Variants in C1QTNF6 observed in about 807,000 individuals in gnomAD.
The protein encoded by C1QTNF6 is complement C1q tumor necrosis factor-related protein 6.
Under a neutral mutation model 20.7 loss-of-function variants are expected in C1QTNF6, and 17 were observed. The observed-to-expected ratio is 0.82, with a 90% CI of 0.56 to 1.23. The LOEUF (loss-of-function observed/expected upper bound fraction) is 1.23. Ranked by LOEUF, C1QTNF6 falls within the 50% of genes most tolerant of loss-of-function variation. The pLI is 0.00. For missense variants in C1QTNF6, 329 were observed against 389.7 expected, an observed-to-expected ratio of 0.84 and a Z score of 1.31; for synonymous variants, 130 against 156.3, an observed-to-expected ratio of 0.83 and a Z score of 1.25.
rs1348595778 is a variant in C1QTNF6 at position 37,185,270 on chromosome 22, G to A, written c.237C>T (p.Arg79=). 1.2e-6 allele frequency: 2 copies of A among 1,607,164 alleles called. No homozygotes were observed. Among genetic ancestry groups the A allele is most frequent in the Admixed American group, 1.7e-5 (1 of 59,530 alleles). The change falls in exon 2 of 3, where the codon CGC becomes CGT. Residue 79 remains arginine, a synonymous_variant. Transcript: ENST00000337843. The part of the protein sequence containing the change: ...AHVSSASSSG[R]PHALPEIRPY... ...GTCTGATCTCAGGCAGGGCGTGGGG[G>A]CGGCCGGAGGAAGAGGCTGAGGATA... is the stretch of plus-strand genomic sequence containing the variant.
At position 37,185,944 on chromosome 22, in the gene C1QTNF6, GGTTA is replaced by G. The variant is rs148029091; in HGVS notation, c.52-493_52-490del. ...CATGCCCTCCGGGCAGGAGGACTGAGGTTAGTGAACACTGGGGACAAACGTGGAG... is the reference window on the plus strand; with the variant it reads ...CATGCCCTCCGGGCAGGAGGACTGAGGTGAACACTGGGGACAAACGTGGAG... On this transcript the variant is annotated intron_variant, in intron 1 of 2. Coordinates refer to ENST00000337843, the MANE Select transcript of C1QTNF6 (RefSeq NM_031910.4). 5.3e-4 allele frequency: 519 copies of G among 986,062 alleles called. 8 individuals are homozygous for G. In the East Asian group the frequency reaches 0.037, roughly 70 times the overall value. 61.1% of individuals were successfully genotyped at this position (986,062 alleles called of 1,614,324 possible).
upstream of C1QTNF6, chr22:37,199,350 G>A (rs1053068761): frequency 6.6e-6 from 1 of 152,352 alleles, no homozygotes; most frequent in East Asian, 1.9e-4. Context: ...CGGGCCCGAG[G>A]GACGAGGACC....
intron 2 of C1QTNF6, chr22:37,195,253 G>A (rs958358149): frequency 4.6e-5 from 7 of 152,196 alleles, no homozygotes; most frequent in African/African-American, 7.2e-5. Flanking sequence ...TTCTTCATTT[G>A]GGCCTCTAAC....
At chr22:37,183,852 G>T (rs1211889968) in intron 2 of C1QTNF6, among the ~76,000 whole-genome samples, 4 of 152,178 alleles carry the variant, frequency 2.6e-5, no homozygotes, top group Admixed American at 6.5e-5. Flanking sequence ...CAGGACGAAG[G>T]GACTATCTTC....
In C1QTNF6 at chr22:37,184,955, A is replaced by T. The variant is rs1037135635; in HGVS notation, c.289+263T>A. 6.6e-6 allele frequency among the ~76,000 whole-genome samples: 1 copy of T among 151,788 alleles called. No homozygotes were observed. Among genetic ancestry groups the T allele is most frequent in the Non-Finnish European group, 1.5e-5 (1 of 67,924 alleles). ...CCCAGAGCACTGATCACCATCGAAC[A>T]TTCCACTCCACTAACTTAGGTGATG... On this transcript the variant is annotated intron_variant, in intron 2 of 2. Coordinates refer to ENST00000337843, the MANE Select transcript of C1QTNF6 (RefSeq NM_031910.4). The surrounding 1 kb of genome is among the most constrained non-coding windows in gnomAD (Gnocchi z 4.0).
At position 37,188,188 on chromosome 22, in the gene C1QTNF6, G is replaced by A. The variant is rs151217898; in HGVS notation, c.26C>T (p.Ser9Leu). The change falls in exon 1 of 3, where the codon TCG becomes TTG. Residue 9 changes from serine (S) to leucine (L), a missense_variant. Ser to Leu is a moderately radical substitution (Grantham distance 145). Transcript: ENST00000337843. ...CCTGTGTCCTGTGGCCTCCCCAGGC[G>A]ACTCACGGACCCTGAGCCACTGCAT... is the stretch of plus-strand genomic sequence containing the variant. MQWLRVRE[S>L]PGEATGHRVT... is the part of the protein sequence containing the mutation. 227 of 1,609,622 alleles carry A rather than the reference G, an allele frequency of 1.4e-4. 1 individual carries two copies. In the African/African-American group the frequency reaches 2.5e-3, roughly 18 times the overall value.
rs1312062296 is a variant in C1QTNF6, at chr22:37,182,726, C to T, written c.299G>A (p.Gly100Glu). The T allele has an allele frequency of 4.4e-6, 7 of 1,603,544 alleles. No individual in the cohort carries two copies. Among genetic ancestry groups the T allele is most frequent in the Non-Finnish European group, 6.0e-6 (7 of 1,176,170 alleles). The change falls in exon 3 of 3, where the codon GGG (glycine) becomes GAG (glutamate). Residue 100 changes from glycine (G) to glutamate (E), a missense_variant. Gly to Glu is a moderately conservative substitution (Grantham distance 98). Coordinates refer to ENST00000337843, the MANE Select transcript of C1QTNF6 (RefSeq NM_031910.4). ...INITILKGDKGDPGPMGLPGY... is the reference protein window; with the variant it reads ...INITILKGDKEDPGPMGLPGY... ...TGGCAGGCCCATTGGGCCTGGGTCC[C>T]CTTTGTCACCTGTGGGGATAAAAAG...
rs1466142030 is a variant in C1QTNF6, at chr22:37,180,880, C to CTATGGGT, written c.*1301_*1307dup. On this transcript the variant is annotated 3_prime_UTR_variant, in exon 3 of 3. Transcript: ENST00000337843. Reference sequence around the variant, plus strand: ...GATGCCGTATCAGCTGTGGGGAGAGCTATGGGTGTGGGTTCCATTCTTCGG... The same window carrying CTATGGGT: ...GATGCCGTATCAGCTGTGGGGAGAGCTATGGGTTATGGGTGTGGGTTCCATTCTTCGG... The CTATGGGT allele has an allele frequency of 6.6e-6, 1 of 152,496 alleles. No individual in the cohort carries two copies. Among genetic ancestry groups the CTATGGGT allele is most frequent in the Non-Finnish European group, 1.5e-5 (1 of 68,250 alleles). 9.4% of individuals were successfully genotyped at this position (152,496 alleles called of 1,614,324 possible).
In C1QTNF6 at chr22:37,180,713, C is replaced by T. The variant is rs1923682480; in HGVS notation, c.*1475G>A. On this transcript the variant is annotated 3_prime_UTR_variant, in exon 3 of 3. Coordinates refer to ENST00000337843, the MANE Select transcript of C1QTNF6 (RefSeq NM_031910.4). The stretch of plus-strand genomic sequence containing the variant: ...GGGGCAGAGAGCACCTGGGGACAGA[C>T]ATCAGTGTCTGAGGGCAGCTGGAGG... The T allele has an allele frequency of 1.3e-5, 2 of 153,478 alleles. No individual in the cohort carries two copies. Among genetic ancestry groups the T allele is most frequent in the Non-Finnish European group, 2.9e-5 (2 of 69,054 alleles). 9.5% of individuals were successfully genotyped at this position (153,478 alleles called of 1,614,324 possible).
chr22:37,186,216 G>C (rs1445479876), intron 1 of C1QTNF6, among the ~76,000 whole-genome samples: 1 of 152,208 alleles, frequency 6.6e-6, no homozygotes, highest in Non-Finnish European at 1.5e-5. Context: ...GAGTGCCTTT[G>C]TGCAAAGCAA....
At chr22:37,192,036 CTTTAA>C (rs58016280), upstream of C1QTNF6, among the ~76,000 whole-genome samples, 43,327 of 151,870 alleles carry the variant, frequency 0.29, 6,982 homozygotes, top group East Asian at 0.58. Flanking sequence ...AATAATATCC[CTTTAA>C]TTTAAGCCAA....
upstream of C1QTNF6, among the ~76,000 whole-genome samples, chr22:37,198,683 CTCCCCGG>C (rs948853821): frequency 4.6e-5 from 7 of 151,772 alleles, 1 homozygote; most frequent in South Asian, 1.0e-3. Context: ...ACGCTCCCCG[CTCCCCGG>C]TCCCCGGCCC....
In C1QTNF6 at chr22:37,183,644, G is replaced by A. The variant is rs6000599; in HGVS notation, c.290-909C>T. Among the ~76,000 whole-genome samples, 8 of 152,346 alleles carry A rather than the reference G, an allele frequency of 5.3e-5. No individual in the cohort carries two copies. The East Asian group carries it at 7.7e-4, about 15-fold the overall frequency. ...CTAGAAGGCCCTGTGTTTTCCACAG[G>A]GGGGGAAGGGGACAGAAAGGAGGGC... On this transcript the variant is annotated intron_variant, in intron 2 of 2. Coordinates refer to ENST00000337843, the MANE Select transcript of C1QTNF6 (RefSeq NM_031910.4).
intron 2 of C1QTNF6, among the ~76,000 whole-genome samples, chr22:37,194,127 G>T (rs1292486405): frequency 1.7e-5 from 1 of 57,854 alleles, no homozygotes; most frequent in East Asian, 1.2e-3. Flanking sequence ...GGTTAAACTT[G>T]CAAGGACGTA....
chr22:37,193,800 G>A (rs916502581), intron 2 of C1QTNF6, among the ~76,000 whole-genome samples: 2 of 152,136 alleles, frequency 1.3e-5, no homozygotes, highest in Admixed American at 1.3e-4. Flanking sequence ...AAATTCAAAC[G>A]AGAAGTCAGA....
At chr22:37,188,283 A>AGGAGGGGGAGAGGAGGGGAT, upstream of C1QTNF6, 1 of 1,153,058 alleles carries the variant, frequency 8.7e-7, no homozygotes, top group Non-Finnish European at 1.2e-6. Context: ...GGCCCAGCAG[A>AGGAGGGGGAGAGGAGGGGAT]GGAGGGAGAG....
chr22:37,198,058 C>T (rs547635500), upstream of C1QTNF6: 1 of 152,408 alleles, frequency 6.6e-6, no homozygotes, highest in Non-Finnish European at 1.5e-5. Context: ...GTGCCCTTTC[C>T]CAGGCACCCT....
intron 1 of C1QTNF6, chr22:37,196,383 TAA>T (rs1441409077): frequency 6.6e-6 from 1 of 152,210 alleles, no homozygotes; most frequent in African/African-American, 2.4e-5. Context: ...GACTCCTGTA[TAA>T]AGACTGTCTC....
At chr22:37,198,244 C>A (rs229548), upstream of C1QTNF6, 2,548 of 152,626 alleles carry the variant, frequency 0.017, 80 homozygotes, top group African/African-American at 0.058. Flanking sequence ...GCTTTTCTCC[C>A]CAACCATTCT....
Sources: gnomAD v4.1 joint callset for allele counts (sites outside exome capture counted in the v4.1 genomes callset) on GRCh38, gnomAD v4.1.1 for gene constraint, Gnocchi (gnomAD v3.1) non-coding constraint, MANE v1.5 for transcripts, NCBI Gene and HGNC (gene_info 2026-07-23, HGNC 2026-07-21) for gene names.